RNF135: variants seen among roughly 807,000 people sequenced by gnomAD.
RNF135 encodes the protein ring finger protein 135, also known as E3 ubiquitin-protein ligase RNF135.
RNF135 carries 46 observed loss-of-function variants against 41.9 expected under a neutral mutation model. The observed-to-expected ratio is 1.10, with a 90% CI of 0.87 to 1.40. The LOEUF (loss-of-function observed/expected upper bound fraction) is 1.40. Among genes scored for constraint, RNF135 ranks in the 40% most tolerant of loss-of-function variants. RNF135 has a pLI of 0.00. For missense variants in RNF135, 539 were observed against 549.8 expected (o/e 0.98, Z 0.20); for synonymous variants, 238 against 223.8 (o/e 1.06, Z -0.57).
chr17:30,961,420 C>T, the RNF135 span, among the ~76,000 whole-genome samples: 2 of 152,076 alleles, frequency 1.3e-5, no homozygotes, highest in Admixed American at 6.6e-5. Context: ...AGCATGCAAA[C>T]TTTGCGGTTC....
At chr17:30,990,182 A>G (rs1010892556) in intron 3 of RNF135, among the ~76,000 whole-genome samples, 1 of 152,080 alleles carries the variant, frequency 6.6e-6, no homozygotes, top group Non-Finnish European at 1.5e-5. Flanking sequence ...CAAATTTAAG[A>G]TCAATTTTTA....
intron 3 of RNF135, among the ~76,000 whole-genome samples, chr17:30,990,721 G>T (rs1313479022): frequency 6.6e-6 from 1 of 152,084 alleles, no homozygotes; most frequent in Non-Finnish European, 1.5e-5. Context: ...ATACACAAAA[G>T]ATAGCACATT....
At chr17:30,975,515 T>C in intron 1 of RNF135, 1 of 777,456 alleles carries the variant, frequency 1.3e-6, no homozygotes, top group Non-Finnish European at 2.4e-6. Context: ...CCCAAACCCC[T>C]GCCCTCAGAA....
intron 1 of RNF135, chr17:30,971,708 C>G (rs1567735568): frequency 7.6e-7 from 1 of 1,318,652 alleles, no homozygotes. Flanking sequence ...TCTTCCCAAT[C>G]GATCTTCGGT....
intron 1 of RNF135, among the ~76,000 whole-genome samples, chr17:30,983,165 C>G (rs1263626546): frequency 1.3e-5 from 2 of 151,282 alleles, no homozygotes; most frequent in African/African-American, 2.4e-5. Context: ...ATTCATTTGT[C>G]TGCAGATACT....
At position 30,999,137 on chromosome 17, in the gene RNF135, G is replaced by A. The variant is rs61749868; in HGVS notation, c.1245G>A (p.Trp415Ter). 3.1e-6 allele frequency: 5 copies of A among 1,614,016 alleles called. No homozygotes were observed. The African/African-American group carries it at 6.7e-5, about 22-fold the overall frequency. The change falls in exon 5 of 5, where the codon TGG becomes TGA. Residue 415 changes from tryptophan to a stop codon, truncating the protein, a stop_gained. Transcript: ENST00000328381. LOFTEE classifies it high-confidence loss of function. ...SASSPLYPAF[W>*]LYGLHPGNYL... ...CCTCTCCTTTGTACCCTGCCTTCTG[G>A]CTGTATGGCTTACATCCTGGAAATT...
At position 30,971,393 on chromosome 17, in the gene RNF135, GTTCCCTCTCCAGC is replaced by G; in HGVS notation, c.321_333del (p.Ser107ArgfsTer17). The G allele has an allele frequency of 6.6e-7, 1 of 1,523,762 alleles. No homozygotes were observed. Among genetic ancestry groups the G allele is most frequent in the Non-Finnish European group, 8.8e-7 (1 of 1,141,562 alleles). 94.4% of individuals were successfully genotyped at this position (1,523,762 alleles called of 1,614,324 possible). On this transcript the variant is annotated frameshift_variant, in exon 1 of 5. Transcript: ENST00000328381. LOFTEE classifies it high-confidence loss of function. Reference sequence around the variant, plus strand: ...GCCCACTGCCCCTGCCCGGGCTCCAGTTCCCTCTCCAGCGCGGCCGCGAGGCCCCGGCGCCGCC... The same window carrying G: ...GCCCACTGCCCCTGCCCGGGCTCCAGGCGGCCGCGAGGCCCCGGCGCCGCC...
rs540091612 is a variant in RNF135, at chr17:30,998,704, G to A, written c.812G>A (p.Ser271Asn). The change falls in exon 5 of 5, where the codon AGC becomes AAC. Residue 271 changes from serine (S) to asparagine (N), a missense_variant. Ser to Asn is a conservative substitution (Grantham distance 46). This residue lies in a region of RNF135 where 262 missense variants were observed against 336.9 expected (regional missense o/e 0.78). Coordinates refer to ENST00000328381, the MANE Select transcript of RNF135 (RefSeq NM_032322.4). The part of the protein sequence containing the change: ...PTFNLKSLSC[S>N]LEVSKDSRTV... Reference sequence around the variant, plus strand: ...TTTAACTTGAAGAGCCTTTCCTGCAGCCTGGAGGTGTCCAAGGATTCCCGT... The same window carrying A: ...TTTAACTTGAAGAGCCTTTCCTGCAACCTGGAGGTGTCCAAGGATTCCCGT... The A allele has an allele frequency of 3.8e-5, 62 of 1,613,894 alleles. No individual in the cohort carries two copies. The South Asian group carries it at 6.7e-4, about 17-fold the overall frequency.
At chr17:30,976,188 T>G (rs1274857715) in intron 1 of RNF135, among the ~76,000 whole-genome samples, 1 of 152,098 alleles carries the variant, frequency 6.6e-6, no homozygotes, top group African/African-American at 2.4e-5. Context: ...GTATTTTTAG[T>G]AGAGACGGGG....
intron 1 of RNF135, among the ~76,000 whole-genome samples, chr17:30,981,330 A>G (rs9797112): frequency 0.37 from 54,354 of 148,458 alleles, 15,489 homozygotes; most frequent in African/African-American, 0.8. Context: ...GCTTTGGCTC[A>G]GCATCAGAGG....
the RNF135 span, among the ~76,000 whole-genome samples, chr17:30,964,604 AAAAC>A: frequency 1.3e-5 from 2 of 151,948 alleles, no homozygotes; most frequent in Admixed American, 6.6e-5. Context: ...ACTCTGTCTC[AAAAC>A]AAACAAACAA....
chr17:30,969,764 T>C (rs1044989405), upstream of RNF135, among the ~76,000 whole-genome samples: 679 of 138,822 alleles, frequency 4.9e-3, 5 homozygotes, highest in African/African-American at 0.015. Context: ...TTTTTCTTTT[T>C]TTTTTTTTTT....
chr17:30,989,512 A>C (rs1300949161), intron 3 of RNF135, among the ~76,000 whole-genome samples: 1 of 152,172 alleles, frequency 6.6e-6, no homozygotes, highest in Non-Finnish European at 1.5e-5. Context: ...GTTCTTCCAG[A>C]GTTATTGAAA....
At position 30,971,158 on chromosome 17, in the gene RNF135, G is replaced by T; in HGVS notation, c.85G>T (p.Asp29Tyr). ...LGCIICQGLL[D>Y]WPATLPCGHS... ...CTGCATCATCTGCCAGGGGCTGCTG[G>T]ACTGGCCCGCCACGCTGCCCTGCGG... The change falls in exon 1 of 5, where the codon GAC becomes TAC. Residue 29 changes from aspartate (D) to tyrosine (Y), a missense_variant. By Grantham distance (160) the Asp-to-Tyr change is radical. Transcript: ENST00000328381. 6.5e-7 allele frequency: 1 copy of T among 1,532,732 alleles called. No individual in the cohort carries two copies. The highest frequency in any genetic ancestry group is 8.7e-7 in the Non-Finnish European group (1 of 1,145,460). The allele number at this position is 1,532,732 out of a possible 1,614,324, so 94.9% of individuals were successfully genotyped here.
Position 30,987,905 on chromosome 17 carries a change from G to T in RNF135, c.517-39G>T. 1.9e-6 allele frequency: 3 copies of T among 1,554,618 alleles called. 1 individual carries two copies. The highest frequency in any genetic ancestry group is 2.7e-6 in the Non-Finnish European group (3 of 1,126,406). ...TATAATAGTTGATAGACTGCATAGGGGACTTCCATTTATTCAGTTTTAAAT... is the reference window on the plus strand; with the variant it reads ...TATAATAGTTGATAGACTGCATAGGTGACTTCCATTTATTCAGTTTTAAAT... On this transcript the variant is annotated intron_variant, in intron 2 of 4. Transcript: ENST00000328381.
upstream of RNF135, among the ~76,000 whole-genome samples, chr17:30,966,935 T>C (rs1273691110): frequency 6.6e-6 from 1 of 152,234 alleles, no homozygotes; most frequent in Admixed American, 6.5e-5. Flanking sequence ...TTTTGTCATC[T>C]ATTTATACAT....
At chr17:30,997,125 A>G (rs1394669815) in intron 3 of RNF135, 117 bp from the exon 4 acceptor site, 2 of 799,502 alleles carry the variant, frequency 2.5e-6, no homozygotes, top group Non-Finnish European at 4.3e-6. Context: ...CTGACACTGA[A>G]AAATGTGTAG....
chr17:30,986,283 G>A (rs1373084918), intron 2 of RNF135, among the ~76,000 whole-genome samples: 6 of 150,522 alleles, frequency 4.0e-5, no homozygotes, highest in Admixed American at 6.6e-5. Flanking sequence ...TGCAACCTCC[G>A]CCTCCTAGGT....
At chr17:30,966,400 T>A (rs1905552177), upstream of RNF135, among the ~76,000 whole-genome samples, 1 of 134,232 alleles carries the variant, frequency 7.4e-6, no homozygotes, top group African/African-American at 3.7e-5. Flanking sequence ...TTTATTATTT[T>A]TTTATTTTAT....
Sources: gnomAD v4.1 joint callset for allele counts (sites outside exome capture counted in the v4.1 genomes callset) on GRCh38, gnomAD v4.1.1 for gene constraint, gnomAD v4.1.1 regional missense constraint, MANE v1.5 for transcripts, NCBI Gene and HGNC (gene_info 2026-07-23, HGNC 2026-07-21) for gene names.